Variants in EBF2 observed in about 807,000 individuals in gnomAD.
EBF2 encodes the protein transcription factor COE2.
In EBF2, 21 loss-of-function variants were observed where a neutral mutation model predicts 72.8. That is an observed-to-expected ratio of 0.29 (90% CI 0.20 to 0.42). The LOEUF is 0.42. EBF2 is among the 10% of genes least tolerant of loss of function. The pLI is 1.00. For synonymous variants in EBF2, 299 were observed against 274.2 expected (o/e 1.09, Z -0.89); for missense variants, 637 against 731.2 (o/e 0.87, Z 1.49).
chr8:25,875,179 T>C (rs4131261), intron 10 of EBF2, among the ~76,000 whole-genome samples: 39,039 of 152,198 alleles, frequency 0.26, 5,476 homozygotes, highest in South Asian at 0.4. Context: ...AGAAGCCCTG[T>C]GCTGGTCCAA....
Position 26,001,704 on chromosome 8 carries a change from A to G in EBF2, c.551+31381T>C, listed in dbSNP as rs896439038. 2.6e-5 allele frequency among the ~76,000 whole-genome samples: 4 copies of G among 152,186 alleles called. No homozygotes were observed. In the East Asian group the frequency reaches 5.8e-4, roughly 22 times the overall value. ...GCTGGGATTACAGGGACGCGCCACC[A>G]TGCCCAGCTAATTTTGGTATTTTTA... On this transcript the variant is annotated intron_variant, in intron 6 of 15. Coordinates refer to ENST00000520164, the MANE Select transcript of EBF2 (RefSeq NM_022659.4).
At chr8:25,954,235 G>T (rs572516745) in intron 6 of EBF2, among the ~76,000 whole-genome samples, 4 of 152,294 alleles carry the variant, frequency 2.6e-5, no homozygotes, top group South Asian at 4.2e-4. Context: ...GTGATATCGG[G>T]CCACCTGGAA....
chr8:26,026,782 T>C (rs1025386475), intron 6 of EBF2, among the ~76,000 whole-genome samples: 3 of 152,188 alleles, frequency 2.0e-5, no homozygotes, highest in African/African-American at 7.2e-5. Flanking sequence ...TTCTTCCTAT[T>C]ACACCAAAAT....
intron 6 of EBF2, among the ~76,000 whole-genome samples, chr8:25,948,653 C>G (rs1237325612): frequency 6.6e-6 from 1 of 152,200 alleles, no homozygotes; most frequent in African/African-American, 2.4e-5. Context: ...CCCGAAATGA[C>G]AGAACAGAAC....
At chr8:25,847,335 G>C (rs1801860521) in intron 15 of EBF2, among the ~76,000 whole-genome samples, 1 of 152,156 alleles carries the variant, frequency 6.6e-6, no homozygotes, top group Admixed American at 6.5e-5. Flanking sequence ...GGAGCTCCCT[G>C]TCCAGCTGGT....
At chr8:25,918,516 TTGC>T (rs1454793396) in intron 6 of EBF2, among the ~76,000 whole-genome samples, 1 of 152,212 alleles carries the variant, frequency 6.6e-6, no homozygotes, top group African/African-American at 2.4e-5. Context: ...GCTAATTAAT[TTGC>T]TGAATTATAA....
rs1485712964 is a variant in EBF2 at position 25,908,495 on chromosome 8, T to C, written c.612A>G (p.Pro204=). ...TTACCTGAAACCGTCTCATGTCCCT[T>C]GGGTTTCCTGCTGTTTTCAAACAAT... ...NQNCLKTAGN[P]RDMRRFQVVL... is the part of the protein sequence containing the mutation. The change falls in exon 7 of 16, where the codon CCA becomes CCG. Residue 204 remains proline, a synonymous_variant. Transcript: ENST00000520164. 2.5e-6 allele frequency: 4 copies of C among 1,613,682 alleles called. No individual in the cohort carries two copies. Among genetic ancestry groups the C allele is most frequent in the African/African-American group, 2.7e-5 (2 of 74,922 alleles).
chr8:25,929,884 C>T (rs756288756), intron 6 of EBF2, among the ~76,000 whole-genome samples: 2 of 151,942 alleles, frequency 1.3e-5, no homozygotes, highest in Non-Finnish European at 2.9e-5. Context: ...GGGGGAAAAA[C>T]AGAAGGGAAA....
intron 6 of EBF2, among the ~76,000 whole-genome samples, chr8:25,921,432 G>A (rs938142276): frequency 1.3e-5 from 2 of 152,102 alleles, no homozygotes; most frequent in East Asian, 3.9e-4. Flanking sequence ...TAATATTCCC[G>A]AGTGTAGTCA....
intron 6 of EBF2, among the ~76,000 whole-genome samples, chr8:25,916,684 T>C (rs556030422): frequency 6.6e-6 from 1 of 151,960 alleles, no homozygotes; most frequent in Non-Finnish European, 1.5e-5. Context: ...TCACAGATAG[T>C]AGGGGAGAAA....
intron 7 of EBF2, among the ~76,000 whole-genome samples, chr8:25,900,314 G>GT (rs1322399572): frequency 6.6e-6 from 1 of 152,074 alleles, no homozygotes; most frequent in African/African-American, 2.4e-5. Flanking sequence ...AAATTAGCTG[G>GT]TTTTTTGTGT....
chr8:25,899,577 T>C (rs908575433), intron 7 of EBF2, among the ~76,000 whole-genome samples: 6 of 152,206 alleles, frequency 3.9e-5, no homozygotes, highest in Non-Finnish European at 8.8e-5. Flanking sequence ...ACATTTTTTA[T>C]TTAAGGAAAA....
intron 6 of EBF2, among the ~76,000 whole-genome samples, chr8:25,946,210 T>A (rs1398256462): frequency 7.2e-5 from 11 of 152,212 alleles, no homozygotes; most frequent in Admixed American, 7.2e-4. Context: ...AATGAGGCAA[T>A]AACTAAGAAG....
chr8:25,861,511 G>C (rs1462357300), intron 11 of EBF2, 137 bp from the exon 12 acceptor site: 3 of 834,900 alleles, frequency 3.6e-6, no homozygotes, highest in Non-Finnish European at 5.7e-6. Context: ...CCTATATTTG[G>C]TTTGACAGGT....
intron 15 of EBF2, among the ~76,000 whole-genome samples, chr8:25,846,952 G>C (rs1216392708): frequency 6.6e-6 from 1 of 152,156 alleles, no homozygotes; most frequent in African/African-American, 2.4e-5. Flanking sequence ...TGGAAAGTAG[G>C]TATGGGGGTA....
intron 6 of EBF2, among the ~76,000 whole-genome samples, chr8:26,017,299 A>G (rs1805127325): frequency 6.6e-6 from 1 of 152,152 alleles, no homozygotes; most frequent in African/African-American, 2.4e-5. Flanking sequence ...TTGCTCTGTG[A>G]CTAGATGGTA....
chr8:25,893,284 T>TG (rs1802813547), intron 7 of EBF2, among the ~76,000 whole-genome samples: 2 of 143,970 alleles, frequency 1.4e-5, no homozygotes, highest in African/African-American at 5.3e-5. Flanking sequence ...TTTTTTTTTT[T>TG]TTTTTTTTTT....
chr8:25,905,374 G>C (rs1420210439), intron 7 of EBF2, among the ~76,000 whole-genome samples: 1 of 152,176 alleles, frequency 6.6e-6, no homozygotes, highest in South Asian at 2.1e-4. Context: ...ATGTCACACA[G>C]TGAAACTGTG....
At chr8:26,008,330 C>T (rs1485600028) in intron 6 of EBF2, among the ~76,000 whole-genome samples, 1 of 152,058 alleles carries the variant, frequency 6.6e-6, no homozygotes, top group East Asian at 1.9e-4. Flanking sequence ...TGCATTTGAC[C>T]AATAATACTG....
Sources: allele counts gnomAD v4.1 joint callset (sites outside exome capture counted in the v4.1 genomes callset), GRCh38; gene constraint gnomAD v4.1.1; transcripts MANE v1.5; gene names NCBI Gene and HGNC (gene_info 2026-07-23, HGNC 2026-07-21).